The following PCNT variants were observed in gnomAD, a reference collection of about 807,000 sequenced individuals.
PCNT encodes the protein kendrin.
A neutral mutation model predicts 380.4 loss-of-function variants in PCNT; 319 were observed. That is an observed-to-expected ratio of 0.84 (90% CI 0.77 to 0.92). The LOEUF is 0.92. Among genes scored for constraint, PCNT ranks in the 40% least tolerant of loss-of-function variants. The pLI is 0.00. For synonymous variants in PCNT, 1,845 were observed against 1,735.2 expected (o/e 1.06, Z -1.57); for missense variants, 4,400 against 4,255.3 (o/e 1.03, Z -0.95).
Position 46,351,414 on chromosome 21 carries a change from CTT to C in PCNT, c.1345-13_1345-12del. ...AGCTCATTAGGGTTTCACCTGGACA[CTT>C]TGCTTTTTCCAGTTAGAGAATCTTC... On this transcript the variant is annotated splice_polypyrimidine_tract_variant and intron_variant, in intron 8 of 46. Transcript: ENST00000359568. 6.8e-7 allele frequency: 1 copy of C among 1,471,180 alleles called. No individual in the cohort carries two copies. Among genetic ancestry groups the C allele is most frequent in the Middle Eastern group, 1.7e-4 (1 of 5,798 alleles). The allele number at this position is 1,471,180 out of a possible 1,614,324, so 91.1% of individuals were successfully genotyped here.
At chr21:46,439,912 T>A (rs1354159634) in intron 41 of PCNT, among the ~76,000 whole-genome samples, 171 bp from the exon 42 acceptor site, 1 of 152,230 alleles carries the variant, frequency 6.6e-6, no homozygotes, top group East Asian at 1.9e-4. Context: ...CAGCACGGCG[T>A]AACCTAGGCC....
chr21:46,349,592 G>T, intron 7 of PCNT, 92 bp from the exon 8 acceptor site: 1 of 1,374,122 alleles, frequency 7.3e-7, no homozygotes, highest in East Asian at 2.3e-5. Flanking sequence ...GCTCTGGGTG[G>T]CAGCGCTCTG....
chr21:46,334,606 C>G lies in PCNT; in HGVS notation c.477C>G (p.Phe159Leu), dbSNP rs781305327. 1.9e-6 allele frequency: 3 copies of G among 1,605,976 alleles called. No homozygotes were observed. In the Admixed American group the frequency reaches 5.0e-5, roughly 27 times the overall value. Residue 159 changes from phenylalanine (F) to leucine (L), a missense_variant, in exon 3 of 47, where the codon TTC becomes TTG. Transcript: ENST00000359568. ...ACCCACCAGAACAGCATGGGATGTT[C>G]ACAGTCAGTGACCACCCACCAGAAC... ...SDHPPEQHGM[F>L]TVSDHPPEQR... is the part of the protein sequence containing the mutation.
At chr21:46,375,070 G>A (rs978184441) in intron 15 of PCNT, among the ~76,000 whole-genome samples, 4 of 152,246 alleles carry the variant, frequency 2.6e-5, no homozygotes, top group East Asian at 3.9e-4. Flanking sequence ...CCGGGATACC[G>A]CCCTTGAGAG....
intron 13 of PCNT, among the ~76,000 whole-genome samples, chr21:46,357,654 C>CCTGA: frequency 6.6e-6 from 1 of 152,294 alleles, no homozygotes; most frequent in East Asian, 1.9e-4. Context: ...GTGTCAAACG[C>CCTGA]CTGACCTCAA....
intron 9 of PCNT, among the ~76,000 whole-genome samples, chr21:46,352,011 C>T (rs1293335208): frequency 6.6e-6 from 1 of 152,230 alleles, no homozygotes; most frequent in Non-Finnish European, 1.5e-5. Context: ...TAGCTGAGCA[C>T]CTCTGGAGAC....
At chr21:46,440,018 G>A in intron 41 of PCNT, 65 bp from the exon 42 acceptor site, 1 of 1,599,536 alleles carries the variant, frequency 6.3e-7, no homozygotes, top group Non-Finnish European at 8.5e-7. Context: ...GCCCCCGGCT[G>A]CGTCTCTAAG....
intron 14 of PCNT, 52 bp from the exon 15 acceptor site, chr21:46,366,532 C>T: frequency 2.0e-6 from 3 of 1,485,918 alleles, no homozygotes; most frequent in Non-Finnish European, 2.8e-6. Context: ...TTGCAAGGGT[C>T]ATTGCTTCCT....
intron 27 of PCNT, among the ~76,000 whole-genome samples, chr21:46,408,833 C>T (rs971591968): frequency 2.0e-5 from 3 of 151,398 alleles, no homozygotes; most frequent in Non-Finnish European, 4.4e-5. Context: ...AGCAATTCTC[C>T]TGCCTCAACC....
intron 30 of PCNT, among the ~76,000 whole-genome samples, chr21:46,417,505 A>G (rs1318642642): frequency 6.6e-6 from 1 of 151,850 alleles, no homozygotes; most frequent in African/African-American, 2.4e-5. Flanking sequence ...AATGCTTCAT[A>G]TTTTTAACAG....
chr21:46,347,205 T>TTG (rs1420780920), intron 5 of PCNT, among the ~76,000 whole-genome samples: 1 of 152,170 alleles, frequency 6.6e-6, no homozygotes, highest in Non-Finnish European at 1.5e-5. Context: ...TTAGAGCAGG[T>TTG]TTCCAGGTGG....
chr21:46,439,703 G>A (rs923755575), intron 41 of PCNT, among the ~76,000 whole-genome samples: 3 of 152,232 alleles, frequency 2.0e-5, no homozygotes, highest in Non-Finnish European at 2.9e-5. Flanking sequence ...GCTGTCGAGA[G>A]TTGACTGTGC....
chr21:46,354,826 C>T (rs1236302919), intron 11 of PCNT, among the ~76,000 whole-genome samples: 2 of 152,146 alleles, frequency 1.3e-5, no homozygotes, highest in Non-Finnish European at 2.9e-5. Context: ...CCCTGCAAAG[C>T]GGACCCCAAC....
At position 46,381,791 on chromosome 21, in the gene PCNT, A is replaced by G. The variant is rs536739614; in HGVS notation, c.3263A>G (p.Lys1088Arg). Residue 1088 changes from lysine (K) to arginine (R), a missense_variant, in exon 16 of 47, where the codon AAA becomes AGA. Coordinates refer to ENST00000359568, the MANE Select transcript of PCNT (RefSeq NM_006031.6). ...AQAQPFHQEE[K>R]ESLSLQLQKK... ...GCACAGCCTTTTCACCAAGAGGAGA[A>G]AGAGTCTTTGTCTCTGCAGCTTCAA... The G allele has an allele frequency of 1.1e-5, 17 of 1,614,236 alleles. No homozygotes were observed. In the East Asian group the frequency reaches 1.8e-4, roughly 17 times the overall value.
chr21:46,429,467 C>T (rs1354203890), intron 35 of PCNT, among the ~76,000 whole-genome samples: 2 of 148,100 alleles, frequency 1.4e-5, no homozygotes, highest in Non-Finnish European at 3.0e-5. Context: ...CGGCACTGTG[C>T]GATCGCTCGT....
chr21:46,400,172 C>T (rs182390837), intron 25 of PCNT, among the ~76,000 whole-genome samples: 1 of 152,308 alleles, frequency 6.6e-6, no homozygotes, highest in East Asian at 1.9e-4. Flanking sequence ...AGCTCAGGAA[C>T]TCATGTCAGC....
chr21:46,439,359 CAG>C lies in PCNT; in HGVS notation c.9274-723_9274-722del, dbSNP rs1452867483. 6.6e-5 allele frequency among the ~76,000 whole-genome samples: 10 copies of C among 152,218 alleles called. No individual in the cohort carries two copies. In the East Asian group the frequency reaches 1.9e-3, roughly 29 times the overall value. ...CACTTTTTGGGTTTTTTTTCTGAGACAGGGCCTTGCTGCATCTCCCAGGCTGG... is the reference window on the plus strand; with the variant it reads ...CACTTTTTGGGTTTTTTTTCTGAGACGGCCTTGCTGCATCTCCCAGGCTGG... On this transcript the variant is annotated intron_variant, in intron 41 of 46. Transcript: ENST00000359568.
chr21:46,324,465 G>C (rs1450872102), intron 1 of PCNT, among the ~76,000 whole-genome samples, 183 bp downstream of exon 1: 1 of 151,420 alleles, frequency 6.6e-6, no homozygotes, highest in South Asian at 2.1e-4. Flanking sequence ...TGAATCCGCC[G>C]CTCTCCGCCA....
At chr21:46,444,020 ATG>A in intron 45 of PCNT, 72 bp downstream of exon 45, 1 of 1,510,466 alleles carries the variant, frequency 6.6e-7, no homozygotes, top group Non-Finnish European at 9.0e-7. Flanking sequence ...CCTCAGAGAA[ATG>A]CATTTTTAGT....
Sources: allele counts gnomAD v4.1 joint callset (sites outside exome capture counted in the v4.1 genomes callset), GRCh38; gene constraint gnomAD v4.1.1; transcripts MANE v1.5; gene names NCBI Gene and HGNC (gene_info 2026-07-23, HGNC 2026-07-21).